Variants in RIN2 observed in about 807,000 individuals in gnomAD.
RIN2 encodes RAB5 interacting protein 2.
A neutral mutation model predicts 78.0 loss-of-function variants in RIN2; 36 were observed. The observed-to-expected ratio is 0.46, with a 90% CI of 0.35 to 0.61. RIN2 has a LOEUF of 0.61. RIN2 is among the 20% of genes least tolerant of loss of function. The pLI is 0.00. For synonymous variants in RIN2, 466 were observed against 466.8 expected (o/e 1.00, Z 0.02); for missense variants, 1,087 against 1,159.7 (o/e 0.94, Z 0.91).
intron 2 of RIN2, among the ~76,000 whole-genome samples, chr20:19,801,568 G>A (rs1385772058): frequency 3.3e-5 from 5 of 152,098 alleles, no homozygotes; most frequent in Non-Finnish European, 7.4e-5. Flanking sequence ...TGATCCGCCC[G>A]CCTCGGCCTC....
In RIN2 at chr20:19,862,453, C is replaced by T. The variant is rs188142845; in HGVS notation, c.-36-27113C>T. Among the ~76,000 whole-genome samples, 385 of 152,170 alleles carry T rather than the reference C, an allele frequency of 2.5e-3. 1 individual carries two copies. Among genetic ancestry groups the T allele is most frequent in the African/African-American group, 8.6e-3 (358 of 41,524 alleles). On this transcript the variant is annotated intron_variant, in intron 2 of 12. Transcript: ENST00000255006. ...CTAAAAATACAAAAAATTAGTCGGG[C>T]GTGGTGGCAGGCACCTGTAGTCCCA... is the stretch of plus-strand genomic sequence containing the variant.
intron 4 of RIN2, among the ~76,000 whole-genome samples, chr20:19,956,312 G>A (rs564255552): frequency 4.6e-5 from 7 of 151,698 alleles, no homozygotes; most frequent in African/African-American, 1.2e-4. Flanking sequence ...GTTTTATGTC[G>A]GAAGACAAAG....
intron 4 of RIN2, among the ~76,000 whole-genome samples, chr20:19,943,815 G>C (rs1600889580): frequency 6.6e-6 from 1 of 152,044 alleles, no homozygotes; most frequent in Non-Finnish European, 1.5e-5. Context: ...ATGCTGGGTG[G>C]TGGGTAAAAG....
intron 4 of RIN2, among the ~76,000 whole-genome samples, chr20:19,936,512 A>G (rs2040650917): frequency 6.6e-6 from 1 of 152,220 alleles, no homozygotes; most frequent in South Asian, 2.1e-4. Flanking sequence ...TTTCTTTCAT[A>G]GCCAGGAAAG....
chr20:19,980,683 C>A (rs199588), intron 9 of RIN2, among the ~76,000 whole-genome samples: 50,396 of 152,122 alleles, frequency 0.33, 9,518 homozygotes, highest in Non-Finnish European at 0.43. Context: ...GTGGCAGCAT[C>A]AGGCTCTTTA....
At chr20:19,954,851 T>A (rs1220524535) in intron 4 of RIN2, among the ~76,000 whole-genome samples, 5 of 152,142 alleles carry the variant, frequency 3.3e-5, no homozygotes, top group Admixed American at 3.3e-4. Context: ...GCTCAGTAAC[T>A]TCTTAGGCCT....
At position 19,980,773 on chromosome 20, in the gene RIN2, G is replaced by A. The variant is rs957899479; in HGVS notation, c.1762+4986G>A. ...TGGCTGCCTCTGTGAGGCCAGCACC[G>A]CATAGACGCAGCCCTCCCTGGTCCT... On this transcript the variant is annotated intron_variant, in intron 9 of 12. Transcript: ENST00000255006. Among the ~76,000 whole-genome samples, 3 of 152,254 alleles carry A rather than the reference G, an allele frequency of 2.0e-5. No homozygotes were observed. The East Asian group carries it at 5.8e-4, about 29-fold the overall frequency.
At chr20:19,844,574 AGCTGCTGCTGCT>A (rs67145587) in intron 2 of RIN2, among the ~76,000 whole-genome samples, 2 of 139,720 alleles carry the variant, frequency 1.4e-5, no homozygotes, top group African/African-American at 5.3e-5. Context: ...CCAACTAGAG[AGCTGCTGCTGCT>A]GCTGCTGCTT....
chr20:19,852,712 T>C (rs1465719657), intron 2 of RIN2, among the ~76,000 whole-genome samples: 2 of 152,146 alleles, frequency 1.3e-5, no homozygotes, highest in East Asian at 3.9e-4. Context: ...ACATTAGTCC[T>C]TTACATACAA....
At chr20:19,942,126 A>AAGAAG (rs2040901510) in intron 4 of RIN2, among the ~76,000 whole-genome samples, 1 of 152,036 alleles carries the variant, frequency 6.6e-6, no homozygotes, top group Non-Finnish European at 1.5e-5. Flanking sequence ...AAAAAAAGAA[A>AAGAAG]GAGAAAGTAT....
At chr20:19,998,816 T>C (rs1043190846) in intron 12 of RIN2, among the ~76,000 whole-genome samples, 46 of 152,172 alleles carry the variant, frequency 3.0e-4, no homozygotes, top group African/African-American at 9.7e-4. Context: ...TGCCATCATA[T>C]AGCCATCCAG....
chr20:19,802,601 C>G (rs1055053731), intron 2 of RIN2, among the ~76,000 whole-genome samples: 1 of 152,080 alleles, frequency 6.6e-6, no homozygotes, highest in Admixed American at 6.5e-5. Flanking sequence ...GATGACATCA[C>G]TGAAGAATTC....
chr20:19,878,591 G>A (rs1394541809), intron 2 of RIN2, among the ~76,000 whole-genome samples: 2 of 152,138 alleles, frequency 1.3e-5, no homozygotes, highest in African/African-American at 4.8e-5. Flanking sequence ...TTGTTCTCTT[G>A]ATGTATAATT....
Position 19,988,927 on chromosome 20 carries a change from A to G in RIN2, c.1763-1079A>G, listed in dbSNP as rs114759783. Among the ~76,000 whole-genome samples, 1,107 of 150,162 alleles carry G rather than the reference A, an allele frequency of 7.4e-3. 15 individuals carry two copies. The highest frequency in any genetic ancestry group is 0.026 in the African/African-American group (1,063 of 41,140). ...CACACACACACACACACACGCGTGC[A>G]CACACACAGATACATGCACGTACAC... On this transcript the variant is annotated intron_variant, in intron 9 of 12. Coordinates refer to ENST00000255006, the MANE Select transcript of RIN2 (RefSeq NM_018993.4).
intron 4 of RIN2, among the ~76,000 whole-genome samples, chr20:19,955,081 C>T (rs959407696): frequency 6.6e-6 from 1 of 152,184 alleles, no homozygotes; most frequent in Admixed American, 6.5e-5. Flanking sequence ...GGAAAGAAAC[C>T]TGGTACCTGT....
intron 11 of RIN2, among the ~76,000 whole-genome samples, chr20:19,992,770 A>T (rs140963968): frequency 7.3e-4 from 111 of 152,378 alleles, no homozygotes; most frequent in African/African-American, 2.2e-3. Context: ...TGGCTCCAAG[A>T]GGAAATTATA....
intron 2 of RIN2, among the ~76,000 whole-genome samples, chr20:19,887,722 T>C (rs937380992): frequency 3.9e-5 from 6 of 152,152 alleles, no homozygotes; most frequent in South Asian, 2.1e-4. Flanking sequence ...TATGGAAAAC[T>C]TCAGAACAGA....
chr20:19,959,730 G>A (rs1207056212), intron 5 of RIN2, among the ~76,000 whole-genome samples: 1 of 152,200 alleles, frequency 6.6e-6, no homozygotes, highest in Non-Finnish European at 1.5e-5. Flanking sequence ...AGCTAAAGAA[G>A]CATGACAGAC....
intron 1 of RIN2, among the ~76,000 whole-genome samples, chr20:19,763,460 G>A (rs2033735150): frequency 6.6e-6 from 1 of 152,200 alleles, no homozygotes; most frequent in Non-Finnish European, 1.5e-5. Flanking sequence ...AGCTGAAAGT[G>A]TGAATAGAAC....
Sources: allele counts gnomAD v4.1 joint callset (sites outside exome capture counted in the v4.1 genomes callset), GRCh38; gene constraint gnomAD v4.1.1; transcripts MANE v1.5; gene names NCBI Gene and HGNC (gene_info 2026-07-23, HGNC 2026-07-21).